The following SLC36A1 variants were observed in gnomAD, a reference collection of about 807,000 sequenced individuals.
The protein encoded by SLC36A1 is proton-coupled amino acid transporter 1.
A neutral mutation model predicts 47.5 loss-of-function variants in SLC36A1; 30 were observed. The ratio of observed to expected loss-of-function variants is 0.63; its 90% CI spans 0.47 to 0.86. SLC36A1 has a LOEUF of 0.86. Ranked by LOEUF, SLC36A1 falls within the 40% of genes least tolerant of loss-of-function variation. The pLI, the probability that SLC36A1 is intolerant of heterozygous loss-of-function variation, is 0.00. For synonymous variants in SLC36A1, 255 were observed against 249.7 expected (o/e 1.02, Z -0.20); for missense variants, 517 against 606.0 (o/e 0.85, Z 1.54).
intron 1 of SLC36A1, among the ~76,000 whole-genome samples, chr5:151,439,585 G>A (rs1237806488): frequency 1.3e-5 from 2 of 151,778 alleles, no homozygotes; most frequent in African/African-American, 2.4e-5. Flanking sequence ...CTCGGAAGGT[G>A]GAGGTGGCAG....
chr5:151,480,032 C>A (rs1474303126), intron 10 of SLC36A1: 1 of 1,295,148 alleles, frequency 7.7e-7, no homozygotes. Flanking sequence ...GTGTTTTATT[C>A]TTCTTCTCTC....
the SLC36A1 span, chr5:151,540,695 TCTTC>T: frequency 6.2e-7 from 1 of 1,614,176 alleles, no homozygotes; most frequent in Non-Finnish European, 8.5e-7. Context: ...CGGTCCAGGG[TCTTC>T]CTTGAGGAAA....
At chr5:151,359,753 G>A in the SLC36A1 span, among the ~76,000 whole-genome samples, 1 of 152,300 alleles carries the variant, frequency 6.6e-6, no homozygotes, top group South Asian at 2.1e-4. Context: ...ACAACATGTG[G>A]TTGTTTGCAT....
At chr5:151,512,096 A>T in the SLC36A1 span, 1 of 1,461,320 alleles carries the variant, frequency 6.8e-7, no homozygotes, top group Non-Finnish European at 9.3e-7. This position sits in a 1 kb window ranked among gnomAD's most constrained non-coding sequence, Gnocchi z 4.1. Context: ...CTCCACCCTG[A>T]CATGCTTTTC....
the SLC36A1 span, among the ~76,000 whole-genome samples, chr5:151,411,068 C>T: frequency 2.8e-5 from 4 of 144,562 alleles, 1 homozygote; most frequent in Non-Finnish European, 6.1e-5. Context: ...ACCAAAACAG[C>T]CTATCAAGAG....
chr5:151,419,547 G>A, the SLC36A1 span, among the ~76,000 whole-genome samples: 1 of 152,232 alleles, frequency 6.6e-6, no homozygotes, highest in Non-Finnish European at 1.5e-5. Context: ...TGTCAAGAAT[G>A]TAAAGTAGTT....
At chr5:151,529,627 G>A in the SLC36A1 span, among the ~76,000 whole-genome samples, 1 of 151,914 alleles carries the variant, frequency 6.6e-6, no homozygotes, top group East Asian at 1.9e-4. Flanking sequence ...ACTTACTTCT[G>A]TAATATTTGA....
At chr5:151,529,327 A>G in the SLC36A1 span, 1 of 1,614,142 alleles carries the variant, frequency 6.2e-7, no homozygotes, top group Non-Finnish European at 8.5e-7. Flanking sequence ...TTCCGGCTGC[A>G]CTCAATGGAC....
At chr5:151,382,348 C>T in the SLC36A1 span, 5 of 811,924 alleles carry the variant, frequency 6.2e-6, no homozygotes, top group East Asian at 2.5e-5. Context: ...GTAGATCTGG[C>T]CATGCGCCAG....
intron 8 of SLC36A1, among the ~76,000 whole-genome samples, chr5:151,476,057 A>G (rs1207674918): frequency 6.6e-6 from 1 of 152,236 alleles, no homozygotes; most frequent in Non-Finnish European, 1.5e-5. Context: ...ATGTCTTGAG[A>G]TCCTCTACGA....
chr5:151,460,823 C>CT (rs1220931219), intron 2 of SLC36A1, among the ~76,000 whole-genome samples: 1 of 148,412 alleles, frequency 6.7e-6, no homozygotes, highest in Non-Finnish European at 1.5e-5. Context: ...TTGCCCCACC[C>CT]TTTTATCTAG....
In SLC36A1 at chr5:151,484,731, A is replaced by G. The variant is rs1368203264; in HGVS notation, c.1160-3252A>G. Among the ~76,000 whole-genome samples, 4 of 152,354 alleles carry G rather than the reference A, an allele frequency of 2.6e-5. No individual in the cohort carries two copies. The South Asian group carries it at 6.2e-4, about 24-fold the overall frequency. Reference sequence around the variant, plus strand: ...GTTTTTAGAACGCTGAGTTCTTTACATGAGTGATATCGTTTGACCATCCTG... The same window carrying G: ...GTTTTTAGAACGCTGAGTTCTTTACGTGAGTGATATCGTTTGACCATCCTG... On this transcript the variant is annotated intron_variant, in intron 10 of 10. Coordinates refer to ENST00000243389, the MANE Select transcript of SLC36A1 (RefSeq NM_078483.4).
chr5:151,354,973 G>C, the SLC36A1 span, among the ~76,000 whole-genome samples: 1 of 152,140 alleles, frequency 6.6e-6, no homozygotes, highest in African/African-American at 2.4e-5. Flanking sequence ...AATACAACTT[G>C]AACATTAAGA....
the SLC36A1 span, among the ~76,000 whole-genome samples, chr5:151,431,695 T>C: frequency 1.3e-5 from 2 of 152,202 alleles, no homozygotes; most frequent in African/African-American, 4.8e-5. Flanking sequence ...TCTGCCACCA[T>C]GTGAAACTGC....
chr5:151,535,954 C>T, the SLC36A1 span, among the ~76,000 whole-genome samples: 24 of 151,970 alleles, frequency 1.6e-4, no homozygotes, highest in Admixed American at 9.2e-4. Context: ...GAGGTTTTTC[C>T]GAAACACCAT....
At chr5:151,377,515 A>AT in the SLC36A1 span, among the ~76,000 whole-genome samples, 30 of 150,620 alleles carry the variant, frequency 2.0e-4, no homozygotes, top group Admixed American at 2.0e-3. Flanking sequence ...TGCCCGGCTA[A>AT]TTTTTGTATT....
At chr5:151,396,206 G>A in the SLC36A1 span, among the ~76,000 whole-genome samples, 33 of 151,586 alleles carry the variant, frequency 2.2e-4, no homozygotes, top group Admixed American at 7.2e-4. Context: ...TCCACCTCCC[G>A]GGTTCAAGCA....
At chr5:151,355,101 G>T in the SLC36A1 span, among the ~76,000 whole-genome samples, 8 of 152,292 alleles carry the variant, frequency 5.3e-5, no homozygotes, top group African/African-American at 1.9e-4. Flanking sequence ...CTTATAGAAA[G>T]AAACATGAGT....
the SLC36A1 span, chr5:151,406,319 G>C: frequency 6.6e-6 from 1 of 152,190 alleles, no homozygotes; most frequent in Non-Finnish European, 1.5e-5. Context: ...AGCTGTCCAA[G>C]ATCCAATAGC....
Sources: allele counts gnomAD v4.1 joint callset (sites outside exome capture counted in the v4.1 genomes callset), GRCh38; gene constraint gnomAD v4.1.1; non-coding constraint Gnocchi (gnomAD v3.1); transcripts MANE v1.5; gene names NCBI Gene and HGNC (gene_info 2026-07-23, HGNC 2026-07-21).